The following SHROOM2 variants were observed in gnomAD, a reference collection of about 807,000 sequenced individuals.
SHROOM2 encodes the protein shroom family member 2.
In SHROOM2, 33 loss-of-function variants were observed where a neutral mutation model predicts 75.9. That is an observed-to-expected ratio of 0.43 (90% confidence interval 0.33 to 0.58). The LOEUF (loss-of-function observed/expected upper bound fraction) is 0.58, where lower values mean the gene tolerates loss of function less well. Ranked by LOEUF, SHROOM2 falls within the 20% of genes least tolerant of loss-of-function variation. The pLI is 0.04. For missense variants in SHROOM2, 1,434 were observed against 1,461.2 expected (o/e 0.98, Z 0.30); for synonymous variants, 655 against 663.6 (o/e 0.99, Z 0.20).
At position 9,810,545 on chromosome X, in the gene SHROOM2, G is replaced by A. The variant is rs144948315; in HGVS notation, c.165+23835G>A. Among the ~76,000 whole-genome samples the A allele has an allele frequency of 3.6e-3, 398 of 110,867 alleles. 3 individuals carry two copies. The highest frequency in any genetic ancestry group is 0.013 in the African/African-American group (385 of 30,520). ...GGCAATCTGAACTTCCAGTTTAATG[G>A]AATCATTGTTGTGTCTCCTGGTGGC... On this transcript the variant is annotated intron_variant, in intron 1 of 9. Coordinates refer to ENST00000380913, the MANE Select transcript of SHROOM2 (RefSeq NM_001649.4).
chrX:9,822,789 C>G (rs2083859650), intron 1 of SHROOM2, among the ~76,000 whole-genome samples: 1 of 111,671 alleles, frequency 9.0e-6, no homozygotes, highest in African/African-American at 3.3e-5. Context: ...CTTCAACATG[C>G]TTGCTTAGTG....
At chrX:9,936,239 G>C (rs1174571799) in intron 6 of SHROOM2, among the ~76,000 whole-genome samples, 2 of 110,039 alleles carry the variant, frequency 1.8e-5, no homozygotes, top group Non-Finnish European at 3.8e-5. Context: ...AGCTTCCCGA[G>C]TAGGTGGGAT....
chrX:9,868,689 A>G (rs2084154749), intron 1 of SHROOM2, among the ~76,000 whole-genome samples: 1 of 96,077 alleles, frequency 1.0e-5, no homozygotes, highest in Non-Finnish European at 2.0e-5. Flanking sequence ...GTGCCTCCTG[A>G]GTAGCTGGGT....
chrX:9,887,530 G>A (rs2084267558), intron 2 of SHROOM2, among the ~76,000 whole-genome samples: 1 of 112,060 alleles, frequency 8.9e-6, no homozygotes, highest in Non-Finnish European at 1.9e-5. Context: ...GCAGATTTAA[G>A]ATGATTACTC....
In SHROOM2 at chrX:9,932,799, C is replaced by G. The variant is rs773404273; in HGVS notation, c.3516C>G (p.Pro1172=). 2 of 1,208,532 alleles carry G rather than the reference C, an allele frequency of 1.7e-6. No individual in the cohort carries two copies. Among genetic ancestry groups the G allele is most frequent in the East Asian group, 3.0e-5 (1 of 33,840 alleles). Residue 1172 remains proline, a synonymous_variant, in exon 6 of 10, where the codon CCC becomes CCG. Coordinates refer to ENST00000380913, the MANE Select transcript of SHROOM2 (RefSeq NM_001649.4). ...QTATMETSRS[P]SPQFAPQKLT... is the part of the protein sequence containing the mutation. ...CCACCATGGAGACCTCGCGCTCCCC[C>G]TCGCCCCAGTTCGCCCCCCAGAAAC... is the stretch of plus-strand genomic sequence containing the variant.
intron 1 of SHROOM2, among the ~76,000 whole-genome samples, chrX:9,787,989 CTTCTT>C (rs777117671): frequency 1.3e-5 from 1 of 76,157 alleles, no homozygotes; most frequent in Non-Finnish European, 2.5e-5. Flanking sequence ...TTCTTTCTTT[CTTCTT>C]TTTTTTTTTT....
chrX:9,806,552 C>A (rs2083753775), intron 1 of SHROOM2, among the ~76,000 whole-genome samples: 1 of 103,729 alleles, frequency 9.6e-6, no homozygotes, highest in Admixed American at 1.1e-4. Flanking sequence ...ACAATCATCA[C>A]ATGCAACTTT....
intron 1 of SHROOM2, among the ~76,000 whole-genome samples, chrX:9,862,025 C>G (rs2084106834): frequency 9.0e-6 from 1 of 111,604 alleles, no homozygotes; most frequent in Non-Finnish European, 1.9e-5. Flanking sequence ...CTGACCAAAT[C>G]CCACCATGCC....
chrX:9,825,905 G>C (rs982101368), intron 1 of SHROOM2, among the ~76,000 whole-genome samples: 2 of 112,396 alleles, frequency 1.8e-5, no homozygotes, highest in African/African-American at 6.5e-5. Context: ...TCTGTAGCCT[G>C]CTGTGCTTCT....
At chrX:9,934,126 G>A (rs373942730) in intron 6 of SHROOM2, among the ~76,000 whole-genome samples, 2 of 111,484 alleles carry the variant, frequency 1.8e-5, no homozygotes, top group African/African-American at 6.5e-5. Context: ...AGAGCCGCAC[G>A]CCCAGCACAG....
In SHROOM2 at chrX:9,913,723, A is replaced by G. The variant is rs745625390; in HGVS notation, c.2891+15433A>G. Among the ~76,000 whole-genome samples, 3 of 112,430 alleles carry G rather than the reference A, an allele frequency of 2.7e-5. No individual in the cohort carries two copies. The South Asian group carries it at 1.1e-3, about 41-fold the overall frequency. ...AAGGTAAAAAGGCAAAGGAGTTTGA[A>G]GAAAGGTTTTTGGAAATCTACCTGG... On this transcript the variant is annotated intron_variant, in intron 5 of 9. Transcript: ENST00000380913.
chrX:9,863,448 G>T (rs888380844), intron 1 of SHROOM2, among the ~76,000 whole-genome samples: 1 of 110,679 alleles, frequency 9.0e-6, no homozygotes, highest in Admixed American at 9.7e-5. Context: ...CCTCATCCTC[G>T]CGCCTCTCCT....
rs1042333457 is a variant in SHROOM2, at chrX:9,864,812, G to A, written c.166-8840G>A. 2.1e-4 allele frequency among the ~76,000 whole-genome samples: 13 copies of A among 60,481 alleles called. No homozygotes were observed. In the East Asian group the frequency reaches 2.3e-3, roughly 11 times the overall value. The allele number at this position is 60,481 out of a possible 115,157, so 52.5% of individuals were successfully genotyped here. On this transcript the variant is annotated intron_variant, in intron 1 of 9. Transcript: ENST00000380913. Reference sequence around the variant, plus strand: ...TGCACTCCAGCCTGGGCGACAGAGCGAGACTCCGTCTCAAAAAATAAATAA... The same window carrying A: ...TGCACTCCAGCCTGGGCGACAGAGCAAGACTCCGTCTCAAAAAATAAATAA...
Position 9,896,647 on chromosome X carries a change from G to A in SHROOM2, c.2739G>A (p.Gln913=), listed in dbSNP as rs1308987629. ...GCCTGGACCCACAGGAGAGGCCGCAGCACGTTCATGGGAGGTCCCGGTCTT... is the reference window on the plus strand; with the variant it reads ...GCCTGGACCCACAGGAGAGGCCGCAACACGTTCATGGGAGGTCCCGGTCTT... The part of the protein sequence containing the change: ...DVSLDPQERP[Q]HVHGRSRSSP... Residue 913 remains glutamine, a synonymous_variant, in exon 4 of 10, where the codon CAG becomes CAA. Coordinates refer to ENST00000380913, the MANE Select transcript of SHROOM2 (RefSeq NM_001649.4). 8.3e-6 allele frequency: 10 copies of A among 1,204,691 alleles called. No individual in the cohort carries two copies. Among genetic ancestry groups the A allele is most frequent in the Non-Finnish European group, 1.1e-5 (10 of 891,928 alleles).
At chrX:9,813,254 T>C (rs529055719) in intron 1 of SHROOM2, among the ~76,000 whole-genome samples, 2 of 111,579 alleles carry the variant, frequency 1.8e-5, no homozygotes, top group African/African-American at 6.5e-5. Context: ...GCTGAGTATG[T>C]CTATGCCAAT....
chrX:9,945,078 C>T (rs946979860), intron 9 of SHROOM2, among the ~76,000 whole-genome samples, 165 bp downstream of exon 9: 1 of 104,523 alleles, frequency 9.6e-6, no homozygotes, highest in African/African-American at 3.6e-5. Context: ...TATACCCTCT[C>T]CTTCCTTTTA....
At chrX:9,803,484 A>G (rs920228778) in intron 1 of SHROOM2, among the ~76,000 whole-genome samples, 5 of 111,241 alleles carry the variant, frequency 4.5e-5, no homozygotes, top group African/African-American at 1.6e-4. Flanking sequence ...GTGGAGAGGC[A>G]GGCCTCCATG....
intron 1 of SHROOM2, among the ~76,000 whole-genome samples, chrX:9,838,281 C>A (rs1008958251): frequency 2.7e-5 from 3 of 109,904 alleles, no homozygotes; most frequent in African/African-American, 1.0e-4. Flanking sequence ...AGGATGGTCT[C>A]GATCTCCTGA....
intron 1 of SHROOM2, among the ~76,000 whole-genome samples, chrX:9,828,913 A>T (rs2083901993): frequency 8.9e-6 from 1 of 112,944 alleles, no homozygotes; most frequent in Non-Finnish European, 1.9e-5. Flanking sequence ...TTGAGTTAGT[A>T]AACCAGATGC....
Sources: gnomAD v4.1 joint callset for allele counts (sites outside exome capture counted in the v4.1 genomes callset) on GRCh38, gnomAD v4.1.1 for gene constraint, MANE v1.5 for transcripts, NCBI Gene and HGNC (gene_info 2026-07-23, HGNC 2026-07-21) for gene names.